The following JAKMIP1 variants were observed in gnomAD, a reference collection of about 807,000 sequenced individuals.
JAKMIP1 encodes the protein janus kinase and microtubule-interacting protein 1.
Under a neutral mutation model 113.0 loss-of-function variants are expected in JAKMIP1, and 33 were observed. The ratio of observed to expected loss-of-function variants is 0.29; its 90% confidence interval spans 0.22 to 0.39. The LOEUF (loss-of-function observed/expected upper bound fraction) is 0.39, where lower values mean the gene tolerates loss of function less well. JAKMIP1 is among the 10% of genes least tolerant of loss of function. JAKMIP1 has a pLI of 1.00. For missense variants in JAKMIP1, 813 were observed against 1,080.5 expected, an observed-to-expected ratio of 0.75 and a Z score of 3.47; for synonymous variants, 480 against 459.9, an observed-to-expected ratio of 1.04 and a Z score of -0.56.
In JAKMIP1 at chr4:6,050,307, G is replaced by C. The variant is rs770237387; in HGVS notation, c.1908+271C>G. 8.5e-5 allele frequency among the ~76,000 whole-genome samples: 13 copies of C among 152,190 alleles called. No homozygotes were observed. Among genetic ancestry groups the C allele is most frequent in the Admixed American group, 2.0e-4 (3 of 15,288 alleles). The stretch of plus-strand genomic sequence containing the variant: ...TGTCATTTGGATTTCATAGCGAAGA[G>C]GCTAAGGCTCTGAAAGTTTACAGGC... On this transcript the variant is annotated intron_variant, in intron 14 of 20. Coordinates refer to ENST00000409021, the MANE Select transcript of JAKMIP1 (RefSeq NM_001099433.2). This position sits in a 1 kb window ranked among gnomAD's most constrained non-coding sequence, Gnocchi z 7.4.
rs911391982 is a variant in JAKMIP1 at position 6,126,665 on chromosome 4, C to A, written c.-147-13668G>T. Reference sequence around the variant, plus strand: ...CATGCAGAAACACACCACACATGCCCCCCCCACACACACCCATACATACAC... The same window carrying A: ...CATGCAGAAACACACCACACATGCCACCCCCACACACACCCATACATACAC... On this transcript the variant is annotated intron_variant, in intron 1 of 20. Transcript: ENST00000409021. Among the ~76,000 whole-genome samples, 11 of 146,704 alleles carry A rather than the reference C, an allele frequency of 7.5e-5. No homozygotes were observed. In the East Asian group the frequency reaches 2.2e-3, roughly 30 times the overall value.
intron 1 of JAKMIP1, among the ~76,000 whole-genome samples, chr4:6,123,405 G>A (rs963264703): frequency 4.6e-5 from 7 of 152,222 alleles, no homozygotes; most frequent in South Asian, 2.1e-4. Flanking sequence ...TGCAAAAGGC[G>A]AAGACACAGG....
chr4:6,123,497 AT>A (rs755429881), intron 1 of JAKMIP1, among the ~76,000 whole-genome samples: 3 of 152,186 alleles, frequency 2.0e-5, no homozygotes, highest in East Asian at 1.9e-4. Context: ...GAGAGAGGAG[AT>A]TAAAATAAAG....
chr4:6,129,157 C>T lies in JAKMIP1; in HGVS notation c.-147-16160G>A, dbSNP rs746399874. Among the ~76,000 whole-genome samples, 1 of 152,236 alleles carries T rather than the reference C, an allele frequency of 6.6e-6. No homozygotes were observed. Among genetic ancestry groups the T allele is most frequent in the Non-Finnish European group, 1.5e-5 (1 of 68,048 alleles). ...CACTCCGCACTGTGGGGTGTCTTCA[C>T]ATCTACAGAGTTCAGGCAGGAGGAC... On this transcript the variant is annotated intron_variant, in intron 1 of 20. Coordinates refer to ENST00000409021, the MANE Select transcript of JAKMIP1 (RefSeq NM_001099433.2). The surrounding 1 kb of genome is among the most constrained non-coding windows in gnomAD (Gnocchi z 5.4).
rs1456968684 is a variant in JAKMIP1, at chr4:6,129,639, C to T, written c.-147-16642G>A. 6.6e-6 allele frequency among the ~76,000 whole-genome samples: 1 copy of T among 151,952 alleles called. No individual in the cohort carries two copies. The highest frequency in any genetic ancestry group is 1.9e-4 in the East Asian group (1 of 5,176). On this transcript the variant is annotated intron_variant, in intron 1 of 20. Coordinates refer to ENST00000409021, the MANE Select transcript of JAKMIP1 (RefSeq NM_001099433.2). This position sits in a 1 kb window ranked among gnomAD's most constrained non-coding sequence, Gnocchi z 5.4. Reference sequence around the variant, plus strand: ...CTGAAAGTTCCTTTGTCCAGACCCCCACTCAGCTGCCGTTCTCAATATTTC... The same window carrying T: ...CTGAAAGTTCCTTTGTCCAGACCCCTACTCAGCTGCCGTTCTCAATATTTC...
intron 3 of JAKMIP1, among the ~76,000 whole-genome samples, chr4:6,105,242 C>A (rs1645542428): frequency 6.6e-6 from 1 of 152,210 alleles, no homozygotes; most frequent in African/African-American, 2.4e-5. Flanking sequence ...TTGCAACAAC[C>A]CTCGCTAGTC....
At chr4:6,026,642 T>C (rs1392644500) in intron 20 of JAKMIP1, among the ~76,000 whole-genome samples, 1 of 115,258 alleles carries the variant, frequency 8.7e-6, no homozygotes, top group Non-Finnish European at 1.9e-5. Flanking sequence ...CCGATGGTCA[T>C]GGTCAGCGGC....
At position 6,084,965 on chromosome 4, in the gene JAKMIP1, C is replaced by G; in HGVS notation, c.835G>C (p.Asp279His). The stretch of plus-strand genomic sequence containing the variant: ...ACATCTCGCTCGTCCATATGTTGAT[C>G]CTAAAAAAAAAAAAAAAAAAAAAAA... ...GDMVELMGVQ[D>H]QHMDERDVRR... is the part of the protein sequence containing the mutation. Residue 279 changes from aspartate (D) to histidine (H), a missense_variant and splice_region_variant, in exon 5 of 21, where the codon GAT becomes CAT. This residue lies in a region of JAKMIP1 where 540 missense variants were observed against 653.9 expected (regional missense o/e 0.83). Transcript: ENST00000409021. 1 of 364,490 alleles carries G rather than the reference C, an allele frequency of 2.7e-6. No homozygotes were observed. The highest frequency in any genetic ancestry group is 6.4e-5 in the East Asian group (1 of 15,742). 22.6% of individuals were successfully genotyped at this position (364,490 alleles called of 1,614,324 possible).
intron 1 of JAKMIP1, among the ~76,000 whole-genome samples, chr4:6,118,859 C>T (rs1338529767): frequency 1.3e-5 from 2 of 152,162 alleles, no homozygotes; most frequent in Non-Finnish European, 2.9e-5. Flanking sequence ...TGCAGATGTA[C>T]CCTTATTAGG....
At chr4:6,165,465 T>G (rs1181661508) in intron 1 of JAKMIP1, among the ~76,000 whole-genome samples, 1 of 152,126 alleles carries the variant, frequency 6.6e-6, no homozygotes, top group African/African-American at 2.4e-5. Context: ...CCACCACACC[T>G]GGCTAATTTT....
Position 6,094,867 on chromosome 4 carries a change from C to T in JAKMIP1, c.625-9238G>A, listed in dbSNP as rs1722589222. On this transcript the variant is annotated intron_variant, in intron 3 of 20. Coordinates refer to ENST00000409021, the MANE Select transcript of JAKMIP1 (RefSeq NM_001099433.2). This position sits in a 1 kb window ranked among gnomAD's most constrained non-coding sequence, Gnocchi z 4.2. ...AAAAATTAGCTGGGCATAGGTGGTCCTGGCTATTCAGGAGGCTGAGGTGGG... is the reference window on the plus strand; with the variant it reads ...AAAAATTAGCTGGGCATAGGTGGTCTTGGCTATTCAGGAGGCTGAGGTGGG... 2.0e-5 allele frequency among the ~76,000 whole-genome samples: 3 copies of T among 152,018 alleles called. No homozygotes were observed. The highest frequency in any genetic ancestry group is 2.0e-4 in the Admixed American group (3 of 15,262).
Position 6,194,809 on chromosome 4 carries a change from G to A in JAKMIP1, c.-148+5444C>T, listed in dbSNP as rs75472447. On this transcript the variant is annotated intron_variant, in intron 1 of 20. Transcript: ENST00000409021. The surrounding 1 kb of genome is among the most constrained non-coding windows in gnomAD (Gnocchi z 7.4). Reference sequence around the variant, plus strand: ...ACGGTGGGAGACAGGAGAGCAGGCAGCCTGTACCCAGGTCCTCCCAGGCCA... The same window carrying A: ...ACGGTGGGAGACAGGAGAGCAGGCAACCTGTACCCAGGTCCTCCCAGGCCA... Among the ~76,000 whole-genome samples the A allele has an allele frequency of 0.019, 2,898 of 152,256 alleles. 90 individuals carry two copies. The highest frequency in any genetic ancestry group is 0.066 in the African/African-American group (2,726 of 41,544).
chr4:6,190,523 A>G (rs900462703), intron 1 of JAKMIP1, among the ~76,000 whole-genome samples: 1 of 152,162 alleles, frequency 6.6e-6, no homozygotes, highest in Non-Finnish European at 1.5e-5. Context: ...GCAAGCTCAG[A>G]TAAGTCACTC....
chr4:6,193,186 C>T lies in JAKMIP1; in HGVS notation c.-148+7067G>A, dbSNP rs1727467715. 1.3e-5 allele frequency among the ~76,000 whole-genome samples: 2 copies of T among 152,152 alleles called. No homozygotes were observed. The highest frequency in any genetic ancestry group is 4.8e-5 in the African/African-American group (2 of 41,432). ...GACTGCAAGTTCTTCAGCTTTTGGA[C>T]TCTTGGACCTACACCAGTGGTTTGC... On this transcript the variant is annotated intron_variant, in intron 1 of 20. Transcript: ENST00000409021. The surrounding 1 kb of genome is among the most constrained non-coding windows in gnomAD (Gnocchi z 6.4).
rs765955507 is a variant in JAKMIP1 at position 6,049,233 on chromosome 4, G to C, written c.1963-311C>G. ...GTATTTTTAGCAGAGACAGGGTTTC[G>C]CCATGTTGGCCAGGCTGGTCTCGAA... On this transcript the variant is annotated intron_variant, in intron 15 of 20. Transcript: ENST00000409021. The surrounding 1 kb of genome is among the most constrained non-coding windows in gnomAD (Gnocchi z 7.0). Among the ~76,000 whole-genome samples, 1 of 152,100 alleles carries C rather than the reference G, an allele frequency of 6.6e-6. No homozygotes were observed. The highest frequency in any genetic ancestry group is 1.5e-5 in the Non-Finnish European group (1 of 68,026).
At chr4:6,171,780 C>A (rs1035944911) in intron 1 of JAKMIP1, among the ~76,000 whole-genome samples, 2 of 152,162 alleles carry the variant, frequency 1.3e-5, no homozygotes, top group East Asian at 1.9e-4. Flanking sequence ...CTGCCTGGCA[C>A]GGAATCGAGG....
chr4:6,164,373 C>T (rs1285683291), intron 1 of JAKMIP1, among the ~76,000 whole-genome samples: 1 of 152,182 alleles, frequency 6.6e-6, no homozygotes, highest in Non-Finnish European at 1.5e-5. Flanking sequence ...ACTGTTGAGA[C>T]CTACTGCTCG....
chr4:6,098,564 A>AAGAAAGAAAGAAAGAAAG (rs1712276802), intron 3 of JAKMIP1, among the ~76,000 whole-genome samples: 1 of 22,354 alleles, frequency 4.5e-5, no homozygotes, highest in Non-Finnish European at 1.2e-4. Flanking sequence ...GAAAGAAAGA[A>AAGAAAGAAAGAAAGAAAG]AGAAAGAAAG....
Position 6,158,627 on chromosome 4 carries a change from A to G in JAKMIP1, c.-148+41626T>C, listed in dbSNP as rs920079860. ...GGCCATTTCTCCACCCCCCACCCCC[A>G]CCAGCCCCAGCTAGTAGTCATCATT... On this transcript the variant is annotated intron_variant, in intron 1 of 20. Coordinates refer to ENST00000409021, the MANE Select transcript of JAKMIP1 (RefSeq NM_001099433.2). The surrounding 1 kb of genome is among the most constrained non-coding windows in gnomAD (Gnocchi z 5.3). 2.1e-5 allele frequency among the ~76,000 whole-genome samples: 3 copies of G among 141,766 alleles called. No individual in the cohort carries two copies. Among genetic ancestry groups the G allele is most frequent in the African/African-American group, 8.0e-5 (3 of 37,540 alleles). 93.0% of individuals were successfully genotyped at this position (141,766 alleles called of 152,430 possible).
Sources: gnomAD v4.1 joint callset for allele counts (sites outside exome capture counted in the v4.1 genomes callset) on GRCh38, gnomAD v4.1.1 for gene constraint, gnomAD v4.1.1 regional missense constraint, Gnocchi (gnomAD v3.1) non-coding constraint, MANE v1.5 for transcripts, NCBI Gene and HGNC (gene_info 2026-07-23, HGNC 2026-07-21) for gene names.